DSCAM: variants seen among roughly 807,000 people sequenced by gnomAD.
DSCAM encodes the protein DS cell adhesion molecule.
Under a neutral mutation model 217.7 loss-of-function variants are expected in DSCAM, and 47 were observed. The ratio of observed to expected loss-of-function variants is 0.22; its 90% confidence interval spans 0.17 to 0.28. The LOEUF (loss-of-function observed/expected upper bound fraction) is 0.28, where lower values mean the gene tolerates loss of function less well. DSCAM is among the 10% of genes least tolerant of loss of function. The probability of loss-of-function intolerance (pLI) is 1.00; values close to 1 mark genes in which losing one functional copy is unlikely to be tolerated. For synonymous variants in DSCAM, 1,056 were observed against 1,015.3 expected (o/e 1.04, Z -0.76); for missense variants, 2,080 against 2,618.3 (o/e 0.79, Z 4.49).
intron 1 of DSCAM, among the ~76,000 whole-genome samples, chr21:40,836,008 C>G (rs2092052827): frequency 6.6e-6 from 1 of 152,232 alleles, no homozygotes; most frequent in Non-Finnish European, 1.5e-5. Flanking sequence ...CAAAGCCCTT[C>G]AGATCTGGCT....
chr21:40,692,094 G>A (rs540837646), intron 3 of DSCAM, among the ~76,000 whole-genome samples: 10 of 152,192 alleles, frequency 6.6e-5, no homozygotes, highest in African/African-American at 1.9e-4. Flanking sequence ...ATTCTTTTCC[G>A]AAAGCAGCCA....
At chr21:40,731,933 G>C (rs1209482547) in intron 1 of DSCAM, among the ~76,000 whole-genome samples, 2 of 152,004 alleles carry the variant, frequency 1.3e-5, no homozygotes, top group Non-Finnish European at 2.9e-5. Flanking sequence ...TATCACGTTG[G>C]CCCGGCTGGT....
intron 8 of DSCAM, among the ~76,000 whole-genome samples, chr21:40,326,621 ATATTTGTATGTATCTC>A (rs1235100606): frequency 1.3e-5 from 2 of 152,200 alleles, no homozygotes; most frequent in African/African-American, 4.8e-5. Context: ...TAGAGAAGGC[ATATTTGTATGTATCTC>A]TATTTGTATG....
intron 3 of DSCAM, among the ~76,000 whole-genome samples, chr21:40,431,356 C>T (rs745650576): frequency 1.3e-5 from 2 of 149,634 alleles, no homozygotes; most frequent in Non-Finnish European, 3.0e-5. Flanking sequence ...CTTTATGACA[C>T]CTCAGCCTAC....
chr21:40,057,254 C>A (rs888094345), intron 28 of DSCAM, among the ~76,000 whole-genome samples: 2 of 152,188 alleles, frequency 1.3e-5, no homozygotes, highest in Admixed American at 6.5e-5. Flanking sequence ...GGTCTCCAAG[C>A]TCTTTCAAAT....
At chr21:40,046,364 T>C (rs1271120703) in intron 30 of DSCAM, among the ~76,000 whole-genome samples, 1 of 152,192 alleles carries the variant, frequency 6.6e-6, no homozygotes, top group Non-Finnish European at 1.5e-5. Flanking sequence ...CTCTGGGGCA[T>C]TGATTTTAAG....
chr21:40,051,013 T>C (rs2088922303), intron 30 of DSCAM, among the ~76,000 whole-genome samples: 2 of 152,246 alleles, frequency 1.3e-5, no homozygotes, highest in Non-Finnish European at 2.9e-5. Flanking sequence ...TGTTATTTCG[T>C]AGGCAATGGG....
intron 16 of DSCAM, among the ~76,000 whole-genome samples, chr21:40,147,963 A>G (rs1447166356): frequency 1.3e-5 from 2 of 152,218 alleles, no homozygotes; most frequent in Non-Finnish European, 2.9e-5. Flanking sequence ...AAGTCCCAGA[A>G]GTAGATGACC....
chr21:40,112,339 G>A (rs903325384), intron 20 of DSCAM, among the ~76,000 whole-genome samples: 5 of 151,664 alleles, frequency 3.3e-5, no homozygotes, highest in Non-Finnish European at 7.4e-5. Context: ...CGAAATGAAG[G>A]CAGAAATAAA....
chr21:40,481,081 T>C (rs73361180), intron 3 of DSCAM, among the ~76,000 whole-genome samples: 3,214 of 152,296 alleles, frequency 0.021, 105 homozygotes, highest in African/African-American at 0.068. Context: ...CCTCCAAAAC[T>C]GTAAGTCAAA....
At chr21:40,061,885 T>C (rs1369687413) in intron 28 of DSCAM, among the ~76,000 whole-genome samples, 2 of 152,232 alleles carry the variant, frequency 1.3e-5, no homozygotes, top group Non-Finnish European at 2.9e-5. Context: ...CATCCTAAAC[T>C]GGCAATGTTG....
chr21:40,499,734 C>T (rs1325506424), intron 3 of DSCAM, among the ~76,000 whole-genome samples: 1 of 152,166 alleles, frequency 6.6e-6, no homozygotes, highest in Non-Finnish European at 1.5e-5. Flanking sequence ...AGGAAGTCAT[C>T]CAAGTGTCTG....
At chr21:40,543,790 C>T (rs949190649) in intron 3 of DSCAM, among the ~76,000 whole-genome samples, 4 of 151,932 alleles carry the variant, frequency 2.6e-5, no homozygotes, top group Non-Finnish European at 4.4e-5. Flanking sequence ...CCCCAGGCAA[C>T]GAAAGTATTA....
Position 40,276,251 on chromosome 21 carries a change from G to C in DSCAM, c.2202C>G (p.Phe734Leu). The part of the protein sequence containing the change: ...KFSKGAGVPQ[F>L]QPIALNGRIQ... ...TTCGGCCATTTAGGGCAATTGGCTG[G>C]AACTGGGGAACCCCAGCACCTGAGA... Residue 734 changes from phenylalanine (F) to leucine (L), a missense_variant, in exon 11 of 33, where the codon TTC (phenylalanine) becomes TTG (leucine). Phe to Leu is a conservative substitution (Grantham distance 22). Coordinates refer to ENST00000400454, the MANE Select transcript of DSCAM (RefSeq NM_001389.5). The C allele has an allele frequency of 6.2e-7, 1 of 1,603,814 alleles. No homozygotes were observed. Among genetic ancestry groups the C allele is most frequent in the Non-Finnish European group, 8.5e-7 (1 of 1,176,094 alleles).
At chr21:40,084,556 A>ACACACACACAC in intron 23 of DSCAM, among the ~76,000 whole-genome samples, 1 of 142,914 alleles carries the variant, frequency 7.0e-6, no homozygotes, top group African/African-American at 2.6e-5. Flanking sequence ...ACACACACAC[A>ACACACACACAC]GAAAATCAAA....
intron 3 of DSCAM, among the ~76,000 whole-genome samples, chr21:40,670,524 G>A (rs58194125): frequency 0.14 from 18,363 of 131,790 alleles, 3,288 homozygotes; most frequent in African/African-American, 0.42. Flanking sequence ...GTGACAGAGC[G>A]AGACTCCGTC....
intron 1 of DSCAM, among the ~76,000 whole-genome samples, chr21:40,810,208 A>C (rs2091826032): frequency 6.6e-6 from 1 of 152,214 alleles, no homozygotes; most frequent in South Asian, 2.1e-4. Context: ...CTTCACCCTG[A>C]TCCAAATCTG....
intron 1 of DSCAM, among the ~76,000 whole-genome samples, chr21:40,822,850 T>C (rs2091940048): frequency 6.6e-6 from 1 of 152,136 alleles, no homozygotes; most frequent in Non-Finnish European, 1.5e-5. Context: ...ATAAACTTCT[T>C]ATAAGAAATA....
intron 3 of DSCAM, among the ~76,000 whole-genome samples, chr21:40,639,075 A>ATT (rs3070826): frequency 3.4e-5 from 5 of 146,062 alleles, no homozygotes; most frequent in South Asian, 2.2e-4. Context: ...AATATCCTGC[A>ATT]TTTTTTTTTT....
Sources: allele counts gnomAD v4.1 joint callset (sites outside exome capture counted in the v4.1 genomes callset), GRCh38; gene constraint gnomAD v4.1.1; transcripts MANE v1.5; gene names NCBI Gene and HGNC (gene_info 2026-07-23, HGNC 2026-07-21).